Variants in FEZ1 observed in about 807,000 individuals in gnomAD.
FEZ1 encodes the protein fasciculation and elongation protein zeta 1, also known as fasciculation and elongation protein zeta-1.
In FEZ1, 20 loss-of-function variants were observed where a neutral mutation model predicts 49.3. The ratio of observed to expected loss-of-function variants is 0.41; its 90% CI spans 0.29 to 0.59. The LOEUF is 0.59. Ranked by LOEUF, FEZ1 falls within the 20% of genes least tolerant of loss-of-function variation. The pLI is 0.36. For missense variants in FEZ1, 413 were observed against 476.0 expected, an observed-to-expected ratio of 0.87 and a Z score of 1.23; for synonymous variants, 170 against 180.9, an observed-to-expected ratio of 0.94 and a Z score of 0.48.
intron 5 of FEZ1, among the ~76,000 whole-genome samples, chr11:125,456,843 T>G (rs1383029916): frequency 6.6e-6 from 1 of 152,358 alleles, no homozygotes; most frequent in African/African-American, 2.4e-5. Context: ...TATATTTTCA[T>G]AGTTGAGATT....
intron 3 of FEZ1, among the ~76,000 whole-genome samples, chr11:125,472,816 TATC>T (rs1957194992): frequency 6.6e-6 from 1 of 152,050 alleles, no homozygotes; most frequent in Non-Finnish European, 1.5e-5. Context: ...AAAGATAAAA[TATC>T]ATAACTAAGT....
At chr11:125,453,459 G>C (rs1314893188) in intron 7 of FEZ1, 6 of 152,112 alleles carry the variant, frequency 3.9e-5, no homozygotes, top group African/African-American at 1.4e-4. Flanking sequence ...CTACAAATAT[G>C]TTTAAAACAT....
At chr11:125,494,259 C>T (rs1409261038) in intron 1 of FEZ1, among the ~76,000 whole-genome samples, 1 of 152,230 alleles carries the variant, frequency 6.6e-6, no homozygotes, top group African/African-American at 2.4e-5. Flanking sequence ...GTCAGGCGTT[C>T]TGACTGGCCC....
At chr11:125,494,625 G>T (rs548228525) in intron 1 of FEZ1, among the ~76,000 whole-genome samples, 18 of 152,210 alleles carry the variant, frequency 1.2e-4, no homozygotes, top group Non-Finnish European at 2.5e-4. Context: ...ACAGAACAGA[G>T]CGCAGGACTA....
chr11:125,477,162 TA>T (rs1957239952), intron 3 of FEZ1, among the ~76,000 whole-genome samples: 1 of 152,118 alleles, frequency 6.6e-6, no homozygotes, highest in Non-Finnish European at 1.5e-5. Flanking sequence ...TTTAACATTT[TA>T]AAGATCTTTC....
intron 3 of FEZ1, among the ~76,000 whole-genome samples, chr11:125,470,986 G>A (rs1361662599): frequency 1.3e-5 from 2 of 151,968 alleles, no homozygotes; most frequent in African/African-American, 4.8e-5. Flanking sequence ...TGTGACAAAT[G>A]TTTTACATTT....
intron 3 of FEZ1, among the ~76,000 whole-genome samples, chr11:125,466,213 G>T (rs1187651237): frequency 1.3e-5 from 2 of 152,130 alleles, no homozygotes; most frequent in Non-Finnish European, 1.5e-5. Context: ...AGATGTGGTG[G>T]CTTACACCTG....
chr11:125,454,377 A>G, intron 6 of FEZ1, 167 bp from the exon 7 acceptor site: 1 of 479,708 alleles, frequency 2.1e-6, no homozygotes, highest in Non-Finnish European at 3.7e-6. Flanking sequence ...TTGAAGCCTG[A>G]GCTTTGCAAG....
At chr11:125,467,188 C>T (rs370674667) in intron 3 of FEZ1, among the ~76,000 whole-genome samples, 2 of 152,136 alleles carry the variant, frequency 1.3e-5, no homozygotes, top group East Asian at 1.9e-4. Context: ...CAGGTGCCAC[C>T]ACACCTGACT....
chr11:125,487,944 C>G (rs990317681), intron 2 of FEZ1, among the ~76,000 whole-genome samples: 1 of 152,186 alleles, frequency 6.6e-6, no homozygotes, highest in African/African-American at 2.4e-5. Flanking sequence ...TAGGACGTGC[C>G]TCTTACCCCA....
Position 125,444,333 on chromosome 11 carries a change from C to T in FEZ1, c.*1762G>A, listed in dbSNP as rs562216883. ...AGGCGCGGTGACTCACGCCTATAAT[C>T]CCAGCACTTTGGGAAGCCTAGGAGG... On this transcript the variant is annotated 3_prime_UTR_variant, in exon 10 of 10. Transcript: ENST00000278919. Among the ~76,000 whole-genome samples the T allele has an allele frequency of 1.3e-5, 2 of 152,302 alleles. No homozygotes were observed. The highest frequency in any genetic ancestry group is 4.1e-4 in the South Asian group (2 of 4,832).
At chr11:125,457,830 T>C (rs1369540167) in intron 5 of FEZ1, among the ~76,000 whole-genome samples, 6 of 152,206 alleles carry the variant, frequency 3.9e-5, no homozygotes, top group African/African-American at 1.2e-4. Context: ...AATGGTGTCC[T>C]TCACTTTCAC....
chr11:125,448,600 A>G, intron 8 of FEZ1, 33 bp from the exon 9 acceptor site: 3 of 1,448,844 alleles, frequency 2.1e-6, no homozygotes, highest in Non-Finnish European at 2.9e-6. Flanking sequence ...GAACTAAGAT[A>G]CCATCTGGTC....
chr11:125,482,974 T>TAAAAAAAAAA (rs56169482), intron 2 of FEZ1, among the ~76,000 whole-genome samples: 1 of 28,740 alleles, frequency 3.5e-5, no homozygotes, highest in East Asian at 1.2e-3. Flanking sequence ...CAAGACACTG[T>TAAAAAAAAAA]AAAAAAAAAA....
intron 1 of FEZ1, among the ~76,000 whole-genome samples, chr11:125,493,349 G>GAAAC (rs1202222727): frequency 7.6e-6 from 1 of 131,838 alleles, no homozygotes; most frequent in Non-Finnish European, 1.6e-5. Flanking sequence ...AAGAAAGAAA[G>GAAAC]AAAGAAAGAG....
chr11:125,491,963 G>T (rs1165198380), intron 1 of FEZ1, among the ~76,000 whole-genome samples: 1 of 152,192 alleles, frequency 6.6e-6, no homozygotes, highest in African/African-American at 2.4e-5. Context: ...TTGTTATAAG[G>T]AAGGTGTTGG....
At chr11:125,459,253 CTG>C (rs1957049453) in intron 5 of FEZ1, among the ~76,000 whole-genome samples, 1 of 152,136 alleles carries the variant, frequency 6.6e-6, no homozygotes, top group African/African-American at 2.4e-5. Context: ...AGAGAGTTGT[CTG>C]TGATGTGGCT....
At chr11:125,487,076 G>T (rs577564052) in intron 2 of FEZ1, among the ~76,000 whole-genome samples, 27 of 152,292 alleles carry the variant, frequency 1.8e-4, no homozygotes, top group African/African-American at 6.5e-4. Flanking sequence ...GAAAAATCAG[G>T]CTGAGGAGGC....
intron 8 of FEZ1, among the ~76,000 whole-genome samples, 157 bp from the exon 9 acceptor site, chr11:125,448,724 G>T (rs1175534798): frequency 6.6e-6 from 1 of 152,094 alleles, no homozygotes; most frequent in Non-Finnish European, 1.5e-5. Flanking sequence ...CTCTATCAGG[G>T]GTCAGCATTT....
Sources: gnomAD v4.1 joint callset for allele counts (sites outside exome capture counted in the v4.1 genomes callset) on GRCh38, gnomAD v4.1.1 for gene constraint, MANE v1.5 for transcripts, NCBI Gene and HGNC (gene_info 2026-07-23, HGNC 2026-07-21) for gene names.